Variants in RBFOX1 observed in about 807,000 individuals in gnomAD.
RBFOX1 encodes RNA binding protein fox-1 homolog 1.
A neutral mutation model predicts 57.7 loss-of-function variants in RBFOX1; 8 were observed. The observed-to-expected ratio is 0.14, with a 90% CI of 0.08 to 0.25. RBFOX1 has a LOEUF of 0.25. Ranked by LOEUF, RBFOX1 falls within the 10% of genes least tolerant of loss-of-function variation. RBFOX1 has a pLI of 1.00. For synonymous variants in RBFOX1, 326 were observed against 222.4 expected (o/e 1.47, Z -4.15); for missense variants, 611 against 548.5 (o/e 1.11, Z -1.14).
intron 1 of RBFOX1, among the ~76,000 whole-genome samples, chr16:6,256,696 G>A (rs955168457): frequency 4.6e-5 from 7 of 152,022 alleles, no homozygotes; most frequent in African/African-American, 1.2e-4. Context: ...AGGACACTTC[G>A]TAGCATCCCC....
chr16:7,462,431 C>T (rs1291423668), intron 4 of RBFOX1, among the ~76,000 whole-genome samples: 1 of 152,208 alleles, frequency 6.6e-6, no homozygotes. Context: ...GCAGAGATTG[C>T]AGTGAGCCAA....
chr16:7,330,309 T>G (rs2144151807), intron 4 of RBFOX1, among the ~76,000 whole-genome samples: 1 of 151,422 alleles, frequency 6.6e-6, no homozygotes, highest in Admixed American at 6.6e-5. Context: ...AAATGCTGTG[T>G]AAATCATTGT....
At chr16:6,891,292 T>C (rs2065351649) in intron 3 of RBFOX1, among the ~76,000 whole-genome samples, 1 of 152,220 alleles carries the variant, frequency 6.6e-6, no homozygotes, top group Admixed American at 6.5e-5. Context: ...CTTAGCAAGG[T>C]GGCAGTATTA....
chr16:6,963,813 C>G (rs1159538598), intron 3 of RBFOX1, among the ~76,000 whole-genome samples: 1 of 150,874 alleles, frequency 6.6e-6, no homozygotes, highest in Non-Finnish European at 1.5e-5. Context: ...ATTCTCCTGC[C>G]TCAGCCTCTC....
At chr16:6,764,688 G>A (rs2077082341) in intron 3 of RBFOX1, among the ~76,000 whole-genome samples, 1 of 152,306 alleles carries the variant, frequency 6.6e-6, no homozygotes, top group Non-Finnish European at 1.5e-5. Context: ...TGTAATCCCA[G>A]CACTTTTGGA....
At chr16:7,374,824 C>G (rs2097653932) in intron 4 of RBFOX1, among the ~76,000 whole-genome samples, 1 of 152,186 alleles carries the variant, frequency 6.6e-6, no homozygotes, top group Admixed American at 6.5e-5. Context: ...CACCTTATCT[C>G]AAACAACTGC....
rs74012710 is a variant in RBFOX1, at chr16:7,182,428, C to T, written c.27+130330C>T. Among the ~76,000 whole-genome samples, 997 of 152,114 alleles carry T rather than the reference C, an allele frequency of 6.6e-3. 14 individuals are homozygous for T. Among genetic ancestry groups the T allele is most frequent in the African/African-American group, 0.023 (953 of 41,526 alleles). On this transcript the variant is annotated intron_variant, in intron 4 of 15. Coordinates refer to ENST00000550418, the MANE Select transcript of RBFOX1 (RefSeq NM_018723.4). Reference sequence around the variant, plus strand: ...GATGAATTCGTTCATGTTCTTGGCTCGAAAGTTCTTAGCAGCAGCAGCAGC... The same window carrying T: ...GATGAATTCGTTCATGTTCTTGGCTTGAAAGTTCTTAGCAGCAGCAGCAGC...
At chr16:6,211,173 G>C (rs1398636135) in intron 1 of RBFOX1, among the ~76,000 whole-genome samples, 1 of 146,786 alleles carries the variant, frequency 6.8e-6, no homozygotes, top group Non-Finnish European at 1.5e-5. Flanking sequence ...CCATGAGACA[G>C]AGTGTTTTCT....
At chr16:7,181,947 G>C (rs1039117440) in intron 4 of RBFOX1, among the ~76,000 whole-genome samples, 7 of 152,188 alleles carry the variant, frequency 4.6e-5, no homozygotes, top group Admixed American at 3.3e-4. Context: ...CGAAATACAG[G>C]AAGGAAAAGG....
At chr16:7,252,809 G>A (rs368658136) in intron 4 of RBFOX1, among the ~76,000 whole-genome samples, 7 of 150,948 alleles carry the variant, frequency 4.6e-5, no homozygotes, top group Non-Finnish European at 1.0e-4. Context: ...ACATAGTAAC[G>A]TCAGATCTGG....
At chr16:5,297,147 C>G (rs1298220016) in intron 1 of RBFOX1, among the ~76,000 whole-genome samples, 1 of 152,014 alleles carries the variant, frequency 6.6e-6, no homozygotes, top group Non-Finnish European at 1.5e-5. Flanking sequence ...ATTCCTTATC[C>G]ATTTATCTTT....
chr16:7,243,310 C>G (rs867403766), intron 4 of RBFOX1, among the ~76,000 whole-genome samples: 2 of 152,136 alleles, frequency 1.3e-5, no homozygotes, highest in African/African-American at 2.4e-5. Flanking sequence ...GCTGTGTGAC[C>G]TTAGGCCAGC....
intron 4 of RBFOX1, among the ~76,000 whole-genome samples, chr16:7,441,192 A>G (rs977934468): frequency 2.0e-5 from 3 of 152,202 alleles, no homozygotes; most frequent in African/African-American, 4.8e-5. Context: ...CAGGAAATTA[A>G]TGCTGCATGC....
At chr16:6,089,046 A>G (rs1456687149) in intron 1 of RBFOX1, among the ~76,000 whole-genome samples, 1 of 146,068 alleles carries the variant, frequency 6.8e-6, no homozygotes, top group African/African-American at 2.6e-5. Flanking sequence ...CAGTGAGCCA[A>G]CAGAGTGAAA....
intron 1 of RBFOX1, among the ~76,000 whole-genome samples, chr16:5,341,442 GA>G (rs2065030411): frequency 1.3e-5 from 2 of 152,216 alleles, no homozygotes; most frequent in Non-Finnish European, 2.9e-5. Context: ...AATGGAGTTG[GA>G]AAAAAGTGAT....
chr16:5,719,726 A>G (rs1260986222), intron 3 of RBFOX1, among the ~76,000 whole-genome samples: 1 of 152,112 alleles, frequency 6.6e-6, no homozygotes, highest in Non-Finnish European at 1.5e-5. Flanking sequence ...TCTCTGCTGT[A>G]GCCTATGTCA....
intron 3 of RBFOX1, among the ~76,000 whole-genome samples, chr16:6,821,442 C>T (rs780250485): frequency 6.6e-6 from 1 of 152,160 alleles, no homozygotes; most frequent in Non-Finnish European, 1.5e-5. Flanking sequence ...GTGAACAATT[C>T]AGTGGCACAT....
chr16:7,020,173 C>T (rs1452109067), intron 3 of RBFOX1, among the ~76,000 whole-genome samples: 1 of 152,002 alleles, frequency 6.6e-6, no homozygotes, highest in Admixed American at 6.6e-5. Context: ...ATCTTTATAC[C>T]TCTGTGTAAA....
At chr16:6,265,821 G>T (rs985194871) in intron 1 of RBFOX1, among the ~76,000 whole-genome samples, 47 of 151,912 alleles carry the variant, frequency 3.1e-4, no homozygotes, top group African/African-American at 1.1e-3. Context: ...TCTTCCTTCT[G>T]CCCCCTCTTC....
Sources: gnomAD v4.1 joint callset for allele counts (sites outside exome capture counted in the v4.1 genomes callset) on GRCh38, gnomAD v4.1.1 for gene constraint, MANE v1.5 for transcripts, NCBI Gene and HGNC (gene_info 2026-07-23, HGNC 2026-07-21) for gene names.